TMEM178B: variants seen among roughly 807,000 people sequenced by gnomAD.
The protein encoded by TMEM178B is transmembrane protein 178B.
In TMEM178B, 5 loss-of-function variants were observed where a neutral mutation model predicts 31.0. The observed-to-expected ratio is 0.16, with a 90% confidence interval of 0.08 to 0.34. The LOEUF (loss-of-function observed/expected upper bound fraction) is 0.34, where lower values mean the gene tolerates loss of function less well. TMEM178B is among the 10% of genes least tolerant of loss of function. TMEM178B has a pLI of 1.00. For missense variants in TMEM178B, 275 were observed against 400.3 expected (o/e 0.69, Z 2.67); for synonymous variants, 164 against 164.0 (o/e 1.00, Z 0.00).
At chr7:141,445,169 G>A (rs748258889) in intron 3 of TMEM178B, among the ~76,000 whole-genome samples, 3 of 152,088 alleles carry the variant, frequency 2.0e-5, no homozygotes, top group Non-Finnish European at 2.9e-5. Flanking sequence ...TTTGCAAGCC[G>A]ATGATGCCAC....
chr7:141,195,688 C>G (rs896083095), intron 1 of TMEM178B, among the ~76,000 whole-genome samples: 5 of 152,192 alleles, frequency 3.3e-5, no homozygotes, highest in African/African-American at 1.2e-4. Context: ...CAGCAACACC[C>G]CACTCTACTG....
At chr7:141,125,786 G>A (rs185701191) in intron 1 of TMEM178B, among the ~76,000 whole-genome samples, 40 of 152,292 alleles carry the variant, frequency 2.6e-4, no homozygotes, top group African/African-American at 9.1e-4. Flanking sequence ...ATTGCAGTTG[G>A]CATTTGCAAC....
At chr7:141,168,958 A>G (rs189928943) in intron 1 of TMEM178B, among the ~76,000 whole-genome samples, 94 of 152,316 alleles carry the variant, frequency 6.2e-4, no homozygotes, top group African/African-American at 2.2e-3. Context: ...TACCTCAAAC[A>G]TTTCTCATTT....
chr7:141,151,575 A>C (rs1047757538), intron 1 of TMEM178B, among the ~76,000 whole-genome samples: 1 of 152,016 alleles, frequency 6.6e-6, no homozygotes, highest in Non-Finnish European at 1.5e-5. Flanking sequence ...GGAGTCCCTG[A>C]CTGGGCTGGC....
chr7:141,484,044 A>G (rs1048800117), downstream of TMEM178B, among the ~76,000 whole-genome samples: 2 of 152,128 alleles, frequency 1.3e-5, no homozygotes, highest in Admixed American at 6.6e-5. The surrounding 1 kb of genome is among the most constrained non-coding windows in gnomAD (Gnocchi z 4.8). Flanking sequence ...CCTAAGAAGT[A>G]TTTTAATACT....
intron 1 of TMEM178B, among the ~76,000 whole-genome samples, chr7:141,098,168 T>G (rs1156230352): frequency 6.6e-6 from 1 of 152,192 alleles, no homozygotes; most frequent in Admixed American, 6.5e-5. Context: ...TATGAAGCCT[T>G]ACAACTTTTT....
chr7:141,357,761 C>T (rs1799846431), intron 2 of TMEM178B, among the ~76,000 whole-genome samples: 1 of 152,208 alleles, frequency 6.6e-6, no homozygotes, highest in Non-Finnish European at 1.5e-5. Context: ...TATATCACTA[C>T]ATCACCAATT....
intron 2 of TMEM178B, among the ~76,000 whole-genome samples, chr7:141,414,083 T>TCTATAACCATATACCAATTG (rs1407177037): frequency 0.017 from 272 of 16,450 alleles, 56 homozygotes; most frequent in Middle Eastern, 0.078. Context: ...TCATTTTTTT[T>TCTATAACCATATACCAATTG]TTTTTTTTTT....
rs1279021900 is a variant in TMEM178B at position 141,097,337 on chromosome 7, G to A, written c.382+22645G>A. Among the ~76,000 whole-genome samples the A allele has an allele frequency of 2.8e-5, 4 of 141,328 alleles. No homozygotes were observed. The East Asian group carries it at 6.1e-4, about 22-fold the overall frequency. 92.7% of individuals were successfully genotyped at this position (141,328 alleles called of 152,430 possible). Reference sequence around the variant, plus strand: ...GCCGAGATAGCACCACTGCAGTCCGGCCTGGGCGAAAGAGTGAGACTCCGT... The same window carrying A: ...GCCGAGATAGCACCACTGCAGTCCGACCTGGGCGAAAGAGTGAGACTCCGT... On this transcript the variant is annotated intron_variant, in intron 1 of 3. Transcript: ENST00000565468.
At chr7:141,311,477 A>G (rs1254158229) in intron 2 of TMEM178B, among the ~76,000 whole-genome samples, 1 of 152,104 alleles carries the variant, frequency 6.6e-6, no homozygotes, top group East Asian at 1.9e-4. Context: ...TAACTAATTT[A>G]TTAGAGTTTC....
chr7:141,358,303 G>A (rs905029907), intron 2 of TMEM178B, among the ~76,000 whole-genome samples: 10 of 151,964 alleles, frequency 6.6e-5, no homozygotes, highest in African/African-American at 1.7e-4. Context: ...CATGCTCCCC[G>A]CTTCTTTATT....
downstream of TMEM178B, among the ~76,000 whole-genome samples, chr7:141,484,886 T>C (rs1395179666): frequency 6.6e-6 from 1 of 151,728 alleles, no homozygotes; most frequent in Non-Finnish European, 1.5e-5. This position sits in a 1 kb window ranked among gnomAD's most constrained non-coding sequence, Gnocchi z 4.8. Context: ...AGAATAATGA[T>C]CACATAGGAC....
At chr7:141,101,674 A>G (rs181643328) in intron 1 of TMEM178B, among the ~76,000 whole-genome samples, 1 of 152,238 alleles carries the variant, frequency 6.6e-6, no homozygotes, top group Non-Finnish European at 1.5e-5. Flanking sequence ...ATAAAAATAC[A>G]TGCAGCATAT....
intron 1 of TMEM178B, among the ~76,000 whole-genome samples, chr7:141,110,141 A>G (rs1034621706): frequency 6.6e-6 from 1 of 152,206 alleles, no homozygotes; most frequent in African/African-American, 2.4e-5. Flanking sequence ...TTTATTTAAA[A>G]CCGTATCTTT....
intron 1 of TMEM178B, among the ~76,000 whole-genome samples, chr7:141,204,684 C>T (rs1322830465): frequency 6.6e-6 from 1 of 152,196 alleles, no homozygotes; most frequent in Non-Finnish European, 1.5e-5. Flanking sequence ...GCAGCAGATA[C>T]TTGGAGCCAT....
chr7:141,331,787 C>T (rs1014458469), intron 2 of TMEM178B, among the ~76,000 whole-genome samples: 3 of 152,188 alleles, frequency 2.0e-5, no homozygotes, highest in African/African-American at 7.2e-5. Context: ...ATCTGCTGAA[C>T]CTTCAGAAAG....
intron 2 of TMEM178B, among the ~76,000 whole-genome samples, chr7:141,433,453 C>T (rs1438161978): frequency 6.6e-6 from 1 of 152,200 alleles, no homozygotes; most frequent in Non-Finnish European, 1.5e-5. Context: ...GTCAGCCCTG[C>T]AGACTTTTGT....
At chr7:141,205,943 A>AT (rs2129187013) in intron 1 of TMEM178B, among the ~76,000 whole-genome samples, 2 of 152,342 alleles carry the variant, frequency 1.3e-5, no homozygotes, top group East Asian at 3.9e-4. Context: ...GTTTCCATAC[A>AT]TCAGAGCTCT....
chr7:141,185,809 T>C (rs2129184413), intron 1 of TMEM178B, among the ~76,000 whole-genome samples: 1 of 152,182 alleles, frequency 6.6e-6, no homozygotes, highest in Admixed American at 6.5e-5. Flanking sequence ...TACCCAGCAC[T>C]TCCCTTCCCC....
Sources: allele counts gnomAD v4.1 joint callset (sites outside exome capture counted in the v4.1 genomes callset), GRCh38; gene constraint gnomAD v4.1.1; non-coding constraint Gnocchi (gnomAD v3.1); transcripts MANE v1.5; gene names NCBI Gene and HGNC (gene_info 2026-07-23, HGNC 2026-07-21).